ADAMTS9: variants seen among roughly 807,000 people sequenced by gnomAD.
The protein encoded by ADAMTS9 is A disintegrin and metalloproteinase with thrombospondin motifs 9.
Under a neutral mutation model 257.1 loss-of-function variants are expected in ADAMTS9, and 107 were observed. The ratio of observed to expected loss-of-function variants is 0.42; its 90% CI spans 0.36 to 0.49. ADAMTS9 has a LOEUF of 0.49. Among genes scored for constraint, ADAMTS9 ranks in the 20% least tolerant of loss-of-function variants. The pLI is 0.03. For synonymous variants in ADAMTS9, 982 were observed against 880.9 expected (o/e 1.11, Z -2.03); for missense variants, 2,353 against 2,469.1 (o/e 0.95, Z 1.00).
intron 22 of ADAMTS9, among the ~76,000 whole-genome samples, chr3:64,611,850 T>C (rs1301404157): frequency 1.3e-5 from 2 of 152,108 alleles, no homozygotes; most frequent in Non-Finnish European, 2.9e-5. Flanking sequence ...AAGGTTTCCT[T>C]TTGGGGTGAT....
chr3:64,634,723 C>A (rs1402852072), intron 12 of ADAMTS9, among the ~76,000 whole-genome samples: 1 of 152,190 alleles, frequency 6.6e-6, no homozygotes, highest in Non-Finnish European at 1.5e-5. Context: ...TCACCCAGGG[C>A]TGAAACAGCT....
chr3:64,547,550 T>C (rs2083218763), intron 31 of ADAMTS9, among the ~76,000 whole-genome samples: 1 of 140,568 alleles, frequency 7.1e-6, no homozygotes, highest in Non-Finnish European at 1.5e-5. Context: ...TCTCACTCTG[T>C]TGTCCAGGCT....
At chr3:64,639,312 T>TAAAA (rs761906399) in intron 12 of ADAMTS9, among the ~76,000 whole-genome samples, 7 of 89,252 alleles carry the variant, frequency 7.8e-5, no homozygotes, top group African/African-American at 3.3e-4. Context: ...TTTTTTTTTT[T>TAAAA]AAAAAAAAAA....
At chr3:64,541,002 C>G (rs570484863) in intron 36 of ADAMTS9, 93 bp downstream of exon 36, 1 of 1,518,920 alleles carries the variant, frequency 6.6e-7, no homozygotes, top group Non-Finnish European at 9.0e-7. Context: ...ATGTGCAATA[C>G]GCACCTCCCT....
In ADAMTS9 at chr3:64,519,984, G is replaced by A. The variant is rs943018063; in HGVS notation, c.*5+2182C>T. The stretch of plus-strand genomic sequence containing the variant: ...GAAAGAAAGAAAAGACATCAAAAGA[G>A]GAAAAGAGGAAGTCAAATTATCTTC... On this transcript the variant is annotated intron_variant, in intron 39 of 39. Coordinates refer to ENST00000498707, the MANE Select transcript of ADAMTS9 (RefSeq NM_182920.2). Among the ~76,000 whole-genome samples the A allele has an allele frequency of 9.9e-5, 15 of 151,940 alleles. 1 individual carries two copies. Among genetic ancestry groups the A allele is most frequent in the Admixed American group, 2.6e-4 (4 of 15,236 alleles).
chr3:64,612,099 T>C (rs2084674773), intron 22 of ADAMTS9, among the ~76,000 whole-genome samples: 1 of 152,174 alleles, frequency 6.6e-6, no homozygotes, highest in Admixed American at 6.5e-5. Context: ...TTGGTTTTCT[T>C]CTTTTTGCTG....
intron 19 of ADAMTS9, among the ~76,000 whole-genome samples, chr3:64,617,853 C>T (rs527519139): frequency 1.3e-5 from 2 of 152,304 alleles, no homozygotes; most frequent in East Asian, 3.9e-4. Context: ...GAGTGATCCA[C>T]AACCATGCGT....
chr3:64,615,352 C>A lies in ADAMTS9; in HGVS notation c.3158G>T (p.Cys1053Phe), dbSNP rs761002001. ...VTIQRCSEFP[C>F]PQWKSGDWSE... ...CCAGTCTCCAGATTTCCACTGTGGA[C>A]AAGGGAACTCACTGCACCTCTGAAT... is the stretch of plus-strand genomic sequence containing the variant. Residue 1053 changes from cysteine to phenylalanine, a missense_variant, in exon 21 of 40, where the codon TGT becomes TTT. Transcript: ENST00000498707. The A allele has an allele frequency of 1.2e-6, 2 of 1,613,964 alleles. No individual in the cohort carries two copies. The highest frequency in any genetic ancestry group is 1.3e-5 in the African/African-American group (1 of 75,000).
chr3:64,663,924 A>G (rs766813221), intron 3 of ADAMTS9, among the ~76,000 whole-genome samples: 3 of 151,872 alleles, frequency 2.0e-5, no homozygotes, highest in Non-Finnish European at 4.4e-5. Context: ...TGAATTTCTC[A>G]TTAAAAATAG....
intron 31 of ADAMTS9, among the ~76,000 whole-genome samples, chr3:64,547,486 T>C (rs888392880): frequency 6.6e-6 from 1 of 150,604 alleles, no homozygotes; most frequent in Non-Finnish European, 1.5e-5. Flanking sequence ...TTAATTTCTT[T>C]CTCCTATCTC....
chr3:64,580,255 A>G (rs1476393182), intron 28 of ADAMTS9, among the ~76,000 whole-genome samples: 2 of 152,198 alleles, frequency 1.3e-5, no homozygotes, highest in Non-Finnish European at 2.9e-5. Context: ...CTGTTCCAAA[A>G]CAATGTGTCT....
chr3:64,556,369 G>A (rs539131131), intron 30 of ADAMTS9, among the ~76,000 whole-genome samples: 26 of 152,260 alleles, frequency 1.7e-4, no homozygotes, highest in South Asian at 4.1e-4. Context: ...TGCCCAGGCC[G>A]TAGTGCAGTG....
chr3:64,571,579 T>C (rs2083685991), intron 28 of ADAMTS9, among the ~76,000 whole-genome samples: 1 of 152,222 alleles, frequency 6.6e-6, no homozygotes, highest in South Asian at 2.1e-4. Context: ...GGTTTTGTTT[T>C]TGTTTTTAAA....
chr3:64,594,426 C>G lies in ADAMTS9; in HGVS notation c.4188G>C (p.Lys1396Asn), dbSNP rs550052257. ...WAYGNWGECT[K>N]LCGGGIRTRL... ...TTGTTCTTATGCCTCCACCACACAG[C>G]TTAGTGCACTGGAAGAAGGAAAAGG... is the stretch of plus-strand genomic sequence containing the variant. The change falls in exon 28 of 40, where the codon AAG becomes AAC. Residue 1396 changes from lysine (K) to asparagine (N), a missense_variant. By Grantham distance (94) the Lys-to-Asn change is moderately conservative. Around this residue, in one of 3 missense-constraint regions of ADAMTS9, gnomAD observed 1,402 missense variants for 1,441.4 expected, o/e 0.97. Coordinates refer to ENST00000498707, the MANE Select transcript of ADAMTS9 (RefSeq NM_182920.2). The G allele has an allele frequency of 6.2e-7, 1 of 1,612,312 alleles. No individual in the cohort carries two copies. Among genetic ancestry groups the G allele is most frequent in the South Asian group, 1.1e-5 (1 of 90,738 alleles).
At chr3:64,657,538 G>C (rs561576159) in intron 4 of ADAMTS9, among the ~76,000 whole-genome samples, 1 of 151,506 alleles carries the variant, frequency 6.6e-6, no homozygotes, top group Non-Finnish European at 1.5e-5. Flanking sequence ...ACCAGGTCTT[G>C]CTATAATGCC....
intron 28 of ADAMTS9, among the ~76,000 whole-genome samples, chr3:64,593,820 T>G (rs1191684709): frequency 1.3e-5 from 2 of 152,198 alleles, no homozygotes; most frequent in Non-Finnish European, 2.9e-5. Flanking sequence ...ACAGGCAAAT[T>G]ACAGTCACTG....
intron 23 of ADAMTS9, 74 bp from the exon 24 acceptor site, chr3:64,604,405 A>T: frequency 9.1e-7 from 1 of 1,101,428 alleles, no homozygotes; most frequent in Non-Finnish European, 1.3e-6. Context: ...GTCATGGTGG[A>T]TAAAAATGTA....
rs76919928 is a variant in ADAMTS9 at position 64,597,837 on chromosome 3, G to T, written c.4018-846C>A. On this transcript the variant is annotated intron_variant, in intron 26 of 39. Transcript: ENST00000498707. ...AATGTTTGCTAGTGTCCTTTACCCCGACCCTTGTAAAATCAGTTTGCCTAT... is the reference window on the plus strand; with the variant it reads ...AATGTTTGCTAGTGTCCTTTACCCCTACCCTTGTAAAATCAGTTTGCCTAT... Among the ~76,000 whole-genome samples the T allele has an allele frequency of 2.5e-3, 383 of 152,028 alleles. 11 individuals carry two copies. In the East Asian group the frequency reaches 0.039, roughly 15 times the overall value.
chr3:64,592,309 T>C (rs2084277785), intron 28 of ADAMTS9: 1 of 152,196 alleles, frequency 6.6e-6, no homozygotes, highest in African/African-American at 2.4e-5. Context: ...ATGCGTGCAC[T>C]TGCTTCTGTG....
Sources: allele counts gnomAD v4.1 joint callset (sites outside exome capture counted in the v4.1 genomes callset), GRCh38; gene constraint gnomAD v4.1.1; regional missense constraint gnomAD v4.1.1; transcripts MANE v1.5; gene names NCBI Gene and HGNC (gene_info 2026-07-23, HGNC 2026-07-21).